The following CCDC192 variants were observed in gnomAD, a reference collection of about 807,000 sequenced individuals.
CCDC192 encodes coiled-coil domain containing 192.
chr5:127,923,499 T>C (rs1285361938), intron 6 of CCDC192, among the ~76,000 whole-genome samples: 1 of 151,738 alleles, frequency 6.6e-6, no homozygotes, highest in Non-Finnish European at 1.5e-5. Flanking sequence ...TGCCTCAGCC[T>C]CCCGAGTAGC....
At chr5:127,725,472 T>G (rs1752268536) in intron 2 of CCDC192, among the ~76,000 whole-genome samples, 1 of 152,182 alleles carries the variant, frequency 6.6e-6, no homozygotes, top group South Asian at 2.1e-4. Context: ...ATAATACATT[T>G]TATTTAATTT....
chr5:127,880,937 A>C (rs1225753980), intron 6 of CCDC192, among the ~76,000 whole-genome samples: 1 of 152,156 alleles, frequency 6.6e-6, no homozygotes, highest in Non-Finnish European at 1.5e-5. Flanking sequence ...CCGAGATTGC[A>C]CCACTGCACT....
At chr5:127,753,118 C>T (rs1042370301) in intron 2 of CCDC192, among the ~76,000 whole-genome samples, 3 of 152,126 alleles carry the variant, frequency 2.0e-5, no homozygotes, top group Non-Finnish European at 4.4e-5. Context: ...TGTTCCTATT[C>T]GGCCATCTTG....
intron 5 of CCDC192, among the ~76,000 whole-genome samples, chr5:127,868,506 T>C (rs1751707616): frequency 6.6e-6 from 1 of 152,224 alleles, no homozygotes; most frequent in Non-Finnish European, 1.5e-5. Flanking sequence ...TAATTCATAC[T>C]CAGTGGTGAA....
chr5:127,838,524 G>C, intron 5 of CCDC192: 1 of 152,196 alleles, frequency 6.6e-6, no homozygotes. Context: ...AATAGGTACA[G>C]AATGTCTTTC....
intron 3 of CCDC192, among the ~76,000 whole-genome samples, chr5:127,790,464 A>G (rs989850834): frequency 5.3e-5 from 8 of 152,198 alleles, no homozygotes; most frequent in African/African-American, 1.9e-4. Flanking sequence ...TTGTATTGGA[A>G]CATTAATATT....
chr5:127,792,017 A>T (rs1266831746), intron 3 of CCDC192, among the ~76,000 whole-genome samples: 1 of 152,208 alleles, frequency 6.6e-6, no homozygotes, highest in Non-Finnish European at 1.5e-5. Flanking sequence ...GATTATAAGA[A>T]GGAACCAAGT....
At chr5:127,717,928 C>CAAAAAAAAAAAAAAAAAAAGAAAA in intron 2 of CCDC192, among the ~76,000 whole-genome samples, 1 of 98,074 alleles carries the variant, frequency 1.0e-5, no homozygotes, top group South Asian at 3.6e-4. Flanking sequence ...TAAAGCTAGA[C>CAAAAAAAAAAAAAAAAAAAGAAAA]AAAAAAAAAA....
At chr5:127,797,354 A>G in intron 4 of CCDC192, 120 bp downstream of exon 4, 1 of 373,936 alleles carries the variant, frequency 2.7e-6, no homozygotes, top group Non-Finnish European at 4.7e-6. Context: ...CATAATGGTA[A>G]ATAACAATAT....
At chr5:127,934,360 C>T (rs922410052) in intron 6 of CCDC192, among the ~76,000 whole-genome samples, 7 of 152,194 alleles carry the variant, frequency 4.6e-5, no homozygotes, top group African/African-American at 1.7e-4. Context: ...AAGTTTCTAG[C>T]TAATTTTATA....
chr5:127,834,777 T>A (rs2127050758), intron 5 of CCDC192, among the ~76,000 whole-genome samples: 1 of 152,344 alleles, frequency 6.6e-6, no homozygotes, highest in South Asian at 2.1e-4. Context: ...CAGCTGTGTC[T>A]TGAATCTGCA....
rs148014948 is a variant in CCDC192 at position 127,939,248 on chromosome 5, G to A, written c.536-1934G>A. On this transcript the variant is annotated intron_variant, in intron 6 of 6. Coordinates refer to ENST00000514853, the MANE Select transcript of CCDC192 (RefSeq NM_001317938.2). Reference sequence around the variant, plus strand: ...TTCTCGAGCCTCAGCCTCCCGAGTAGCTGGGATTACAGGTGTGCACCACCA... The same window carrying A: ...TTCTCGAGCCTCAGCCTCCCGAGTAACTGGGATTACAGGTGTGCACCACCA... Among the ~76,000 whole-genome samples, 271 of 149,376 alleles carry A rather than the reference G, an allele frequency of 1.8e-3. 2 individuals are homozygous for A. The highest frequency in any genetic ancestry group is 6.2e-3 in the African/African-American group (252 of 40,686).
intron 5 of CCDC192, among the ~76,000 whole-genome samples, chr5:127,837,543 A>ACCTCCTC (rs1750078040): frequency 1.1e-4 from 2 of 18,286 alleles, no homozygotes; most frequent in Non-Finnish European, 1.6e-4. Context: ...ATGATTCAAT[A>ACCTCCTC]TGAGATTTAG....
intron 5 of CCDC192, among the ~76,000 whole-genome samples, chr5:127,843,254 G>A (rs1750376451): frequency 6.6e-6 from 1 of 151,222 alleles, no homozygotes; most frequent in Non-Finnish European, 1.5e-5. Flanking sequence ...TACCCCGGAT[G>A]GTCTCGATCT....
intron 2 of CCDC192, among the ~76,000 whole-genome samples, chr5:127,737,439 A>G (rs373082189): frequency 2.0e-5 from 3 of 151,848 alleles, no homozygotes; most frequent in Non-Finnish European, 4.4e-5. Flanking sequence ...GTAGATGTCT[A>G]TTAGGTCCGC....
At chr5:127,784,878 C>G (rs933103972) in intron 3 of CCDC192, 1 of 453,990 alleles carries the variant, frequency 2.2e-6, no homozygotes, top group Non-Finnish European at 4.3e-6. Context: ...TGTTCAGTTT[C>G]ATGGGCACAT....
chr5:127,739,243 G>A (rs1290708741), intron 2 of CCDC192, among the ~76,000 whole-genome samples: 1 of 152,156 alleles, frequency 6.6e-6, no homozygotes, highest in Admixed American at 6.5e-5. Flanking sequence ...AGGCTGCCCG[G>A]GGGTCAGGGG....
intron 5 of CCDC192, among the ~76,000 whole-genome samples, chr5:127,812,658 T>C (rs562108483): frequency 6.6e-6 from 1 of 152,354 alleles, no homozygotes; most frequent in Non-Finnish European, 1.5e-5. Context: ...TCATTCTTTC[T>C]GTGCACGAGG....
In CCDC192 at chr5:127,775,420, C is replaced by A. The variant is rs886243614; in HGVS notation, c.222+21045C>A. 1.1e-4 allele frequency among the ~76,000 whole-genome samples: 17 copies of A among 152,328 alleles called. No individual in the cohort carries two copies. In the South Asian group the frequency reaches 1.2e-3, roughly 11 times the overall value. ...TATTCATCCCTTCTTAAGGAAACCA[C>A]AACAAGGGCTCTTGCCCATGTTTTC... On this transcript the variant is annotated intron_variant, in intron 3 of 6. Transcript: ENST00000514853.
Sources: gnomAD v4.1 joint callset for allele counts (sites outside exome capture counted in the v4.1 genomes callset) on GRCh38, gnomAD v4.1.1 for gene constraint, MANE v1.5 for transcripts, NCBI Gene and HGNC (gene_info 2026-07-23, HGNC 2026-07-21) for gene names.